The following KCNIP4 variants were observed in gnomAD, a reference collection of about 807,000 sequenced individuals.
The protein encoded by KCNIP4 is Kv channel-interacting protein 4.
In KCNIP4, 12 loss-of-function variants were observed where a neutral mutation model predicts 34.0. The ratio of observed to expected loss-of-function variants is 0.35; its 90% CI spans 0.23 to 0.57. The LOEUF (loss-of-function observed/expected upper bound fraction) is 0.57. Among genes scored for constraint, KCNIP4 ranks in the 20% least tolerant of loss-of-function variants. The probability of loss-of-function intolerance (pLI) is 0.83; values close to 1 mark genes in which losing one functional copy is unlikely to be tolerated. For missense variants in KCNIP4, 238 were observed against 311.7 expected (o/e 0.76, Z 1.78); for synonymous variants, 124 against 102.2 (o/e 1.21, Z -1.29).
intron 1 of KCNIP4, among the ~76,000 whole-genome samples, chr4:21,457,059 A>C (rs922303771): frequency 4.6e-5 from 7 of 152,042 alleles, no homozygotes; most frequent in African/African-American, 1.7e-4. Flanking sequence ...TGGAAAAAAA[A>C]CATATCCATT....
chr4:21,478,517 TGAA>T (rs1315339723), intron 1 of KCNIP4, among the ~76,000 whole-genome samples: 1 of 152,148 alleles, frequency 6.6e-6, no homozygotes, highest in African/African-American at 2.4e-5. Flanking sequence ...TCCAAATTGT[TGAA>T]GAAGTGCTGA....
At chr4:21,326,563 TTTTG>T (rs575380874) in intron 1 of KCNIP4, among the ~76,000 whole-genome samples, 40 of 151,772 alleles carry the variant, frequency 2.6e-4, no homozygotes, top group African/African-American at 9.2e-4. Context: ...GGTCTTGTTT[TTTTG>T]TTTATTTTAT....
At chr4:21,333,650 G>A (rs537278338) in intron 1 of KCNIP4, among the ~76,000 whole-genome samples, 1 of 151,384 alleles carries the variant, frequency 6.6e-6, no homozygotes, top group South Asian at 2.1e-4. Flanking sequence ...TTTACCTCTT[G>A]CTGACATTTA....
At chr4:21,609,403 A>G (rs1215847882) in intron 1 of KCNIP4, among the ~76,000 whole-genome samples, 1 of 152,168 alleles carries the variant, frequency 6.6e-6, no homozygotes, top group African/African-American at 2.4e-5. Flanking sequence ...ATGTTAAATG[A>G]ATTCATTCAT....
intron 1 of KCNIP4, among the ~76,000 whole-genome samples, chr4:20,901,106 TAAC>T (rs1727108943): frequency 6.6e-6 from 1 of 152,222 alleles, no homozygotes; most frequent in African/African-American, 2.4e-5. Context: ...AGCTTCATGT[TAAC>T]AATGATAGCA....
chr4:21,645,708 A>G (rs1156322967), intron 1 of KCNIP4, among the ~76,000 whole-genome samples: 1 of 152,000 alleles, frequency 6.6e-6, no homozygotes, highest in African/African-American at 2.4e-5. Flanking sequence ...CCTATACTCC[A>G]CAATTTCACG....
intron 1 of KCNIP4, among the ~76,000 whole-genome samples, chr4:21,132,133 G>T (rs373924661): frequency 6.6e-6 from 1 of 152,138 alleles, no homozygotes; most frequent in Admixed American, 6.5e-5. Flanking sequence ...AGAGAATTTT[G>T]TTGCCCTTGT....
At chr4:21,948,388 C>A (rs1578174021) in intron 1 of KCNIP4, among the ~76,000 whole-genome samples, 183 bp downstream of exon 1, 1 of 152,254 alleles carries the variant, frequency 6.6e-6, no homozygotes, top group East Asian at 1.9e-4. Context: ...CATGCACCCC[C>A]CTCTCCTTTG....
intron 1 of KCNIP4, among the ~76,000 whole-genome samples, chr4:21,804,947 G>C (rs1226830532): frequency 6.6e-6 from 1 of 152,084 alleles, no homozygotes; most frequent in Admixed American, 6.5e-5. Context: ...CCTGACAACA[G>C]AGAAATGACT....
At position 21,242,232 on chromosome 4, in the gene KCNIP4, C is replaced by T. The variant is rs186830952; in HGVS notation, c.62-359523G>A. Among the ~76,000 whole-genome samples, 39 of 150,234 alleles carry T rather than the reference C, an allele frequency of 2.6e-4. No homozygotes were observed. The East Asian group carries it at 4.9e-3, about 19-fold the overall frequency. ...TAACTCTCAGGGTTGTTGGGAGGGCCAAAGAAATGTGAAGCATTTCTCTGA... is the reference window on the plus strand; with the variant it reads ...TAACTCTCAGGGTTGTTGGGAGGGCTAAAGAAATGTGAAGCATTTCTCTGA... On this transcript the variant is annotated intron_variant, in intron 1 of 8. Transcript: ENST00000382152.
chr4:21,277,340 G>A (rs1326851677), intron 1 of KCNIP4, among the ~76,000 whole-genome samples: 1 of 152,164 alleles, frequency 6.6e-6, no homozygotes, highest in African/African-American at 2.4e-5. Flanking sequence ...TGGAAAAGCA[G>A]AGATCAAAAC....
intron 1 of KCNIP4, among the ~76,000 whole-genome samples, chr4:21,454,882 G>C (rs1728792211): frequency 6.6e-6 from 1 of 152,014 alleles, no homozygotes; most frequent in Admixed American, 6.6e-5. Flanking sequence ...ACAGGGGTAG[G>C]AATCCAAGAA....
chr4:21,002,091 A>T (rs772932285), intron 1 of KCNIP4, among the ~76,000 whole-genome samples: 1 of 152,204 alleles, frequency 6.6e-6, no homozygotes, highest in Non-Finnish European at 1.5e-5. Flanking sequence ...CTCTTCTTAG[A>T]GGAGATAAAT....
intron 1 of KCNIP4, among the ~76,000 whole-genome samples, chr4:21,403,070 G>A (rs2109559868): frequency 6.6e-6 from 1 of 152,166 alleles, no homozygotes; most frequent in East Asian, 1.9e-4. Flanking sequence ...TTATCTTATT[G>A]AACTGATCAG....
intron 1 of KCNIP4, among the ~76,000 whole-genome samples, chr4:20,953,393 CG>C (rs1732981607): frequency 6.6e-6 from 1 of 152,066 alleles, no homozygotes. Context: ...ATAAATGGAC[CG>C]GGTGCAGTGG....
intron 1 of KCNIP4, among the ~76,000 whole-genome samples, chr4:21,026,955 G>T (rs1177726334): frequency 6.6e-6 from 1 of 152,068 alleles, no homozygotes; most frequent in Non-Finnish European, 1.5e-5. Context: ...GTCATTTGGG[G>T]GTTTTGTCTC....
intron 1 of KCNIP4, among the ~76,000 whole-genome samples, chr4:21,174,546 T>G (rs1213892526): frequency 6.6e-6 from 1 of 152,244 alleles, no homozygotes; most frequent in African/African-American, 2.4e-5. Context: ...TAAGCTGGTC[T>G]CTTTGATGAA....
intron 1 of KCNIP4, among the ~76,000 whole-genome samples, chr4:21,256,705 G>A (rs1761087812): frequency 6.6e-6 from 1 of 152,174 alleles, no homozygotes; most frequent in East Asian, 1.9e-4. Flanking sequence ...GCCACTGGGA[G>A]GTTTTAGGTA....
At chr4:21,504,465 C>CAAAAAAAAAAAAAAAAAAAAAAAAAAA (rs376644707) in intron 1 of KCNIP4, among the ~76,000 whole-genome samples, 6 of 56,364 alleles carry the variant, frequency 1.1e-4, no homozygotes, top group African/African-American at 1.7e-4. Flanking sequence ...GACTCCAACT[C>CAAAAAAAAAAAAAAAAAAAAAAAAAAA]AAAAAAAAAA....
Sources: gnomAD v4.1 joint callset for allele counts (sites outside exome capture counted in the v4.1 genomes callset) on GRCh38, gnomAD v4.1.1 for gene constraint, MANE v1.5 for transcripts, NCBI Gene and HGNC (gene_info 2026-07-23, HGNC 2026-07-21) for gene names.